Variants in PDE4B observed in about 807,000 individuals in gnomAD.
The protein encoded by PDE4B is phosphodiesterase 4B, also known as 3',5'-cyclic-AMP phosphodiesterase 4B.
In PDE4B, 20 loss-of-function variants were observed where a neutral mutation model predicts 82.2. The ratio of observed to expected loss-of-function variants is 0.24; its 90% CI spans 0.17 to 0.35. The LOEUF is 0.35. PDE4B is among the 10% of genes least tolerant of loss of function. The pLI is 1.00. For missense variants in PDE4B, 655 were observed against 907.2 expected (o/e 0.72, Z 3.57); for synonymous variants, 320 against 318.9 (o/e 1.00, Z -0.04).
intron 3 of PDE4B, among the ~76,000 whole-genome samples, chr1:66,199,345 A>G (rs1648654294): frequency 6.6e-6 from 1 of 151,996 alleles, no homozygotes; most frequent in Non-Finnish European, 1.5e-5. Context: ...TTTGATTTGC[A>G]TTTCTCTGAT....
At chr1:65,871,557 G>A (rs1571045271) in intron 1 of PDE4B, among the ~76,000 whole-genome samples, 1 of 152,288 alleles carries the variant, frequency 6.6e-6, no homozygotes. Flanking sequence ...AAAACACTTG[G>A]CATAATGCCT....
At chr1:65,828,649 A>T (rs1646046694) in intron 1 of PDE4B, among the ~76,000 whole-genome samples, 1 of 152,210 alleles carries the variant, frequency 6.6e-6, no homozygotes, top group Non-Finnish European at 1.5e-5. Context: ...TATGACAAAA[A>T]TGATACAAGA....
rs537828567 is a variant in PDE4B, at chr1:66,161,467, G to A, written c.282-85993G>A. On this transcript the variant is annotated intron_variant, in intron 3 of 16. Transcript: ENST00000341517. ...CTCAATTCTTTGTAAAAGAAAATTG[G>A]TTCACTTTTTAAGAGCGTCTTTTTC... 5.3e-5 allele frequency among the ~76,000 whole-genome samples: 8 copies of A among 152,114 alleles called. No homozygotes were observed. In the South Asian group the frequency reaches 1.7e-3, roughly 32 times the overall value.
intron 1 of PDE4B, among the ~76,000 whole-genome samples, chr1:65,801,538 G>A (rs1645694731): frequency 6.6e-6 from 1 of 152,124 alleles, no homozygotes; most frequent in East Asian, 1.9e-4. Context: ...GTTTGGGTGT[G>A]AAAATTTTGG....
intron 1 of PDE4B, among the ~76,000 whole-genome samples, chr1:65,901,236 T>A (rs976370267): frequency 2.6e-5 from 4 of 152,180 alleles, no homozygotes; most frequent in African/African-American, 9.6e-5. Context: ...TTCAATTCTG[T>A]TTATGTGATG....
intron 1 of PDE4B, among the ~76,000 whole-genome samples, chr1:65,819,371 A>AGGAGT (rs1353510387): frequency 6.6e-6 from 1 of 152,222 alleles, no homozygotes; most frequent in Admixed American, 6.5e-5. Context: ...GAAGGCTTGT[A>AGGAGT]GGAGTGCCGG....
rs17128463 is a variant in PDE4B, at chr1:66,151,276, C to A, written c.282-96184C>A. Among the ~76,000 whole-genome samples the A allele has an allele frequency of 0.015, 2,236 of 152,240 alleles. 141 individuals are homozygous for A. In the East Asian group the frequency reaches 0.21, roughly 14 times the overall value. On this transcript the variant is annotated intron_variant, in intron 3 of 16. Coordinates refer to ENST00000341517, the MANE Select transcript of PDE4B (RefSeq NM_002600.4). The stretch of plus-strand genomic sequence containing the variant: ...AATTAGAAAGCAAAAGCAGCTGAAG[C>A]TGAAGTGACTCCCCATTGCCTACAT...
chr1:66,372,650 C>A lies in PDE4B; in HGVS notation c.2183C>A (p.Thr728Lys). 1.2e-6 allele frequency: 2 copies of A among 1,613,482 alleles called. No homozygotes were observed. The highest frequency in any genetic ancestry group is 1.7e-6 in the Non-Finnish European group (2 of 1,179,520). ...SLGETDIDIA[T>K]EDKSPVDT ...GGAGAGACTGACATAGACATTGCAA[C>A]AGAAGACAAGTCCCCCGTGGATACA... is the stretch of plus-strand genomic sequence containing the variant. Residue 728 changes from threonine to lysine, a missense_variant, in exon 17 of 17, where the codon ACA becomes AAA. Around this residue, in one of 3 missense-constraint regions of PDE4B, gnomAD observed 119 missense variants for 115.2 expected, o/e 1.03. Transcript: ENST00000341517.
chr1:65,802,413 T>C (rs1054953609), intron 1 of PDE4B, among the ~76,000 whole-genome samples: 3 of 152,148 alleles, frequency 2.0e-5, no homozygotes, highest in Non-Finnish European at 1.5e-5. Flanking sequence ...TCCGTCCTTT[T>C]TAATAAGGAA....
chr1:65,982,588 C>T (rs569809248), intron 3 of PDE4B, among the ~76,000 whole-genome samples: 1 of 152,226 alleles, frequency 6.6e-6, no homozygotes, highest in Admixed American at 6.5e-5. Context: ...TGTGATCATC[C>T]AGGAAACATC....
At chr1:66,103,197 T>C (rs1645261196) in intron 3 of PDE4B, among the ~76,000 whole-genome samples, 1 of 152,092 alleles carries the variant, frequency 6.6e-6, no homozygotes, top group African/African-American at 2.4e-5. Context: ...TTGAAATGAG[T>C]TGTTGCTATT....
intron 3 of PDE4B, among the ~76,000 whole-genome samples, chr1:66,030,645 A>G (rs1223907792): frequency 6.6e-6 from 1 of 152,240 alleles, no homozygotes; most frequent in Non-Finnish European, 1.5e-5. Flanking sequence ...ATTATATCAA[A>G]AGACATATAC....
chr1:65,919,199 A>G (rs544100156), intron 3 of PDE4B, among the ~76,000 whole-genome samples: 6 of 152,362 alleles, frequency 3.9e-5, no homozygotes, highest in African/African-American at 1.4e-4. Flanking sequence ...CTATATGTAT[A>G]TGATGTTCTT....
intron 8 of PDE4B, among the ~76,000 whole-genome samples, chr1:66,335,321 G>A (rs753844735): frequency 1.2e-4 from 18 of 152,228 alleles, no homozygotes; most frequent in South Asian, 4.1e-4. Context: ...TAAGAACAGC[G>A]ATAGGTGAAA....
intron 1 of PDE4B, among the ~76,000 whole-genome samples, chr1:65,884,598 A>G (rs1646750419): frequency 6.6e-6 from 1 of 152,182 alleles, no homozygotes. Flanking sequence ...TGACAAAAAC[A>G]AGGAATGGGG....
intron 3 of PDE4B, among the ~76,000 whole-genome samples, chr1:66,031,221 G>A (rs1653757535): frequency 6.6e-6 from 1 of 152,124 alleles, no homozygotes; most frequent in South Asian, 2.1e-4. Context: ...TAAAATAATT[G>A]ATTAGAGAAT....
chr1:66,242,106 C>T (rs1194348668), intron 3 of PDE4B, among the ~76,000 whole-genome samples: 1 of 152,054 alleles, frequency 6.6e-6, no homozygotes, highest in African/African-American at 2.4e-5. Context: ...TCTAGCATGG[C>T]CGGTTCTGGA....
chr1:66,150,233 C>T (rs1646363522), intron 3 of PDE4B, among the ~76,000 whole-genome samples: 1 of 151,872 alleles, frequency 6.6e-6, no homozygotes, highest in South Asian at 2.1e-4. Context: ...CCTTTGTAAC[C>T]CCATAAGAAT....
intron 3 of PDE4B, among the ~76,000 whole-genome samples, chr1:66,199,009 G>A (rs372951112): frequency 4.0e-5 from 6 of 151,774 alleles, no homozygotes; most frequent in East Asian, 1.9e-4. Flanking sequence ...CCAGTCTATC[G>A]TTGTTGGACA....
Sources: allele counts gnomAD v4.1 joint callset (sites outside exome capture counted in the v4.1 genomes callset), GRCh38; gene constraint gnomAD v4.1.1; regional missense constraint gnomAD v4.1.1; transcripts MANE v1.5; gene names NCBI Gene and HGNC (gene_info 2026-07-23, HGNC 2026-07-21).